The following PUDP variants were observed in gnomAD, a reference collection of about 807,000 sequenced individuals.
The protein encoded by PUDP is pseudouridine 5'-phosphatase.
A neutral mutation model predicts 9.4 loss-of-function variants in PUDP; 8 were observed. The observed-to-expected ratio is 0.85, with a 90% CI of 0.50 to 1.53. The LOEUF (loss-of-function observed/expected upper bound fraction) is 1.53, where lower values mean the gene tolerates loss of function less well. PUDP is among the 40% of genes most tolerant of loss of function. PUDP has a pLI of 0.00. For synonymous variants in PUDP, 99 were observed against 80.7 expected (o/e 1.23, Z -1.22); for missense variants, 188 against 189.7 (o/e 0.99, Z 0.05).
intron 3 of PUDP, among the ~76,000 whole-genome samples, chrX:6,777,997 T>TC (rs1281662697): frequency 9.0e-6 from 1 of 110,953 alleles, no homozygotes; most frequent in Non-Finnish European, 1.9e-5. Flanking sequence ...AAGATACCTG[T>TC]CCCCCCGCCA....
chrX:6,742,704 G>A (rs983448677), intron 3 of PUDP, among the ~76,000 whole-genome samples: 3 of 111,840 alleles, frequency 2.7e-5, no homozygotes, highest in African/African-American at 6.5e-5. Flanking sequence ...AAGACCAGGC[G>A]TTCAAGGCTG....
intron 1 of PUDP, among the ~76,000 whole-genome samples, chrX:6,980,851 C>T (rs767697078): frequency 6.4e-4 from 71 of 111,168 alleles, no homozygotes; most frequent in African/African-American, 1.5e-3. Flanking sequence ...TTTATATGCA[C>T]GTACCACGAC....
intron 1 of PUDP, among the ~76,000 whole-genome samples, chrX:7,106,167 T>C (rs1318602476): frequency 4.4e-5 from 5 of 112,868 alleles, no homozygotes; most frequent in South Asian, 7.3e-4. Flanking sequence ...TTCCATTCGA[T>C]AGCACAAGGC....
At chrX:7,089,783 C>T (rs1192143518) in intron 2 of PUDP, among the ~76,000 whole-genome samples, 4 of 111,850 alleles carry the variant, frequency 3.6e-5, no homozygotes, top group African/African-American at 1.3e-4. Context: ...AGGCTTCACA[C>T]ATATACCATG....
intron 3 of PUDP, among the ~76,000 whole-genome samples, chrX:6,811,555 T>A (rs1046327525): frequency 9.0e-6 from 1 of 111,243 alleles, no homozygotes; most frequent in African/African-American, 3.3e-5. Context: ...CCTCAATTGA[T>A]CTGCCTGCCT....
intron 3 of PUDP, among the ~76,000 whole-genome samples, chrX:6,750,169 G>A (rs768853205): frequency 3.6e-5 from 4 of 111,736 alleles, no homozygotes; most frequent in East Asian, 5.6e-4. Flanking sequence ...GTGTGGAGCC[G>A]TTCATGTTCA....
intron 3 of PUDP, among the ~76,000 whole-genome samples, chrX:6,799,691 G>C (rs1362584598): frequency 9.0e-6 from 1 of 111,311 alleles, no homozygotes; most frequent in Non-Finnish European, 1.9e-5. Context: ...TACAAAATTA[G>C]CCAGACGTGG....
At chrX:6,708,776 G>T (rs1321134057) in intron 1 of PUDP, among the ~76,000 whole-genome samples, 1 of 111,787 alleles carries the variant, frequency 8.9e-6, no homozygotes, top group Non-Finnish European at 1.9e-5. Context: ...TCTGGCTGAG[G>T]TCCCAGAAAT....
At chrX:7,027,738 ATATATAGACT>A (rs1929734037) in intron 1 of PUDP, among the ~76,000 whole-genome samples, 1 of 99,261 alleles carries the variant, frequency 1.0e-5, no homozygotes, top group Non-Finnish European at 2.0e-5. Flanking sequence ...ATTATAGTCT[ATATATAGACT>A]ATATATATAG....
In PUDP at chrX:6,901,706, C is replaced by G. The variant is rs551177468; in HGVS notation, c.*247+75427G>C. Among the ~76,000 whole-genome samples the G allele has an allele frequency of 3.5e-5, 4 of 112,699 alleles. No individual in the cohort carries two copies. The South Asian group carries it at 1.5e-3, about 41-fold the overall frequency. ...GCGATGCATCACTCTATCTAAATAACTATATCTAAATATAAGAGGAAACGG... is the reference window on the plus strand; with the variant it reads ...GCGATGCATCACTCTATCTAAATAAGTATATCTAAATATAAGAGGAAACGG... On this transcript the variant is annotated intron_variant and NMD_transcript_variant, in intron 3 of 3. Transcript: ENST00000655425.
intron 3 of PUDP, among the ~76,000 whole-genome samples, chrX:6,842,712 A>G (rs1360717150): frequency 8.9e-6 from 1 of 112,387 alleles, no homozygotes; most frequent in Non-Finnish European, 1.9e-5. Flanking sequence ...CATCAGTACA[A>G]CTGAAATAGA....
chrX:7,013,660 G>A (rs759289653), intron 1 of PUDP, among the ~76,000 whole-genome samples: 4 of 112,068 alleles, frequency 3.6e-5, no homozygotes, highest in Admixed American at 1.9e-4. Context: ...TGCAACAGGC[G>A]TGTGGCTCGC....
chrX:6,738,032 T>A (rs1283024012), intron 3 of PUDP, among the ~76,000 whole-genome samples: 1 of 111,157 alleles, frequency 9.0e-6, no homozygotes, highest in Non-Finnish European at 1.9e-5. Context: ...GAACTGGATA[T>A]GAAAAAAAAG....
chrX:6,913,901 GC>G lies in PUDP; in HGVS notation c.*247+63231del, dbSNP rs1044829920. Among the ~76,000 whole-genome samples the G allele has an allele frequency of 8.2e-5, 9 of 110,348 alleles. 1 individual carries two copies. Among genetic ancestry groups the G allele is most frequent in the East Asian group, 2.8e-4 (1 of 3,539 alleles). On this transcript the variant is annotated intron_variant and NMD_transcript_variant, in intron 3 of 3. Coordinates refer to the PUDP transcript ENST00000655425. ...TTTTAAAATGTTTCTCAAGATCTGTGCCCCCCCAACTGCCACTGGCATATAG... is the reference window on the plus strand; with the variant it reads ...TTTTAAAATGTTTCTCAAGATCTGTGCCCCCCAACTGCCACTGGCATATAG...
chrX:6,948,458 T>A (rs894733586), intron 3 of PUDP, among the ~76,000 whole-genome samples: 4 of 111,591 alleles, frequency 3.6e-5, no homozygotes, highest in Non-Finnish European at 7.5e-5. Context: ...ATTTCATGTT[T>A]CTTATTTGAG....
intron 1 of PUDP, among the ~76,000 whole-genome samples, chrX:7,011,406 G>A (rs1158346358): frequency 9.0e-6 from 1 of 111,556 alleles, no homozygotes; most frequent in African/African-American, 3.3e-5. Flanking sequence ...GTGTCTGGTA[G>A]TGGAAAATAC....
chrX:7,134,070 G>T (rs1932684888), intron 1 of PUDP, among the ~76,000 whole-genome samples: 1 of 112,081 alleles, frequency 8.9e-6, no homozygotes, highest in Non-Finnish European at 1.9e-5. Flanking sequence ...CACATTGCCT[G>T]TGATATGCTG....
chrX:6,887,383 T>C (rs922619984), intron 3 of PUDP, among the ~76,000 whole-genome samples: 1 of 110,027 alleles, frequency 9.1e-6, no homozygotes, highest in African/African-American at 3.3e-5. Context: ...TAGAAATATC[T>C]TGATGACTTC....
At chrX:6,826,946 C>T (rs1926431629) in intron 3 of PUDP, among the ~76,000 whole-genome samples, 1 of 111,870 alleles carries the variant, frequency 8.9e-6, no homozygotes, top group Non-Finnish European at 1.9e-5. Flanking sequence ...GACTGTTCAG[C>T]AGCAAGGATT....
Sources: gnomAD v4.1 joint callset for allele counts (sites outside exome capture counted in the v4.1 genomes callset) on GRCh38, gnomAD v4.1.1 for gene constraint, MANE v1.5 for transcripts, NCBI Gene and HGNC (gene_info 2026-07-23, HGNC 2026-07-21) for gene names.